Variants in STPG2 observed in about 807,000 individuals in gnomAD.
The protein encoded by STPG2 is sperm tail PG-rich repeat containing 2.
A neutral mutation model predicts 54.2 loss-of-function variants in STPG2; 56 were observed. The observed-to-expected ratio is 1.03, with a 90% CI of 0.83 to 1.29. STPG2 has a LOEUF of 1.29. Ranked by LOEUF, STPG2 falls within the 50% of genes most tolerant of loss-of-function variation. The pLI is 0.00. For synonymous variants in STPG2, 200 were observed against 181.8 expected (o/e 1.10, Z -0.81); for missense variants, 596 against 544.9 (o/e 1.09, Z -0.93).
downstream of STPG2, among the ~76,000 whole-genome samples, chr4:97,554,023 A>T (rs1268393077): frequency 6.6e-6 from 1 of 152,166 alleles, no homozygotes; most frequent in Non-Finnish European, 1.5e-5. Context: ...TTAATTTCTT[A>T]CCGTTATCTT....
chr4:97,758,197 C>G (rs543670652), intron 9 of STPG2, among the ~76,000 whole-genome samples: 1 of 152,020 alleles, frequency 6.6e-6, no homozygotes, highest in South Asian at 2.1e-4. Flanking sequence ...AATAGAAAGG[C>G]CCTAGAGGGC....
At chr4:97,999,088 G>A (rs1295139181) in intron 5 of STPG2, among the ~76,000 whole-genome samples, 2 of 151,742 alleles carry the variant, frequency 1.3e-5, no homozygotes, top group Non-Finnish European at 2.9e-5. Context: ...GACATTATTG[G>A]GGCAATCATG....
intron 5 of STPG2, among the ~76,000 whole-genome samples, chr4:98,044,226 A>T (rs1737054863): frequency 6.6e-6 from 1 of 152,192 alleles, no homozygotes; most frequent in African/African-American, 2.4e-5. Flanking sequence ...CATCACTATT[A>T]TAGTAATATA....
chr4:97,445,877 ATT>A (rs1729209897), intron 4 of STPG2, among the ~76,000 whole-genome samples: 1 of 152,234 alleles, frequency 6.6e-6, no homozygotes, highest in Non-Finnish European at 1.5e-5. Flanking sequence ...TACAAAGCCA[ATT>A]AATGGTGTGG....
At chr4:98,108,538 G>A (rs1298447738) in intron 4 of STPG2, among the ~76,000 whole-genome samples, 2 of 152,124 alleles carry the variant, frequency 1.3e-5, no homozygotes, top group East Asian at 3.9e-4. Context: ...CATGTAGTCA[G>A]AGGACTGAAG....
intron 10 of STPG2, among the ~76,000 whole-genome samples, chr4:97,685,853 G>C (rs1723172129): frequency 6.6e-6 from 1 of 152,154 alleles, no homozygotes; most frequent in Non-Finnish European, 1.5e-5. Context: ...TAAAAATAAT[G>C]TCCATTTTTG....
At chr4:97,792,284 C>A (rs942441501) in intron 9 of STPG2, among the ~76,000 whole-genome samples, 1 of 152,094 alleles carries the variant, frequency 6.6e-6, no homozygotes, top group Non-Finnish European at 1.5e-5. Flanking sequence ...CAAAAATCAG[C>A]ACCTCTTAAC....
At chr4:97,636,697 GAGAA>G (rs1366438603) in intron 10 of STPG2, among the ~76,000 whole-genome samples, 1 of 152,156 alleles carries the variant, frequency 6.6e-6, no homozygotes, top group South Asian at 2.1e-4. Flanking sequence ...ACTACCATCA[GAGAA>G]AACTACAAAC....
intron 8 of STPG2, among the ~76,000 whole-genome samples, chr4:97,865,055 C>A (rs372231986): frequency 6.6e-6 from 1 of 152,102 alleles, no homozygotes; most frequent in South Asian, 2.1e-4. Context: ...GTCTAAAACA[C>A]CAAAAGCAAT....
chr4:98,040,701 C>A (rs1578805894), intron 5 of STPG2, among the ~76,000 whole-genome samples: 2 of 151,864 alleles, frequency 1.3e-5, no homozygotes, highest in South Asian at 2.1e-4. Flanking sequence ...CAGTACCATG[C>A]TATTTTGGTT....
intron 4 of STPG2, among the ~76,000 whole-genome samples, chr4:97,541,591 G>A (rs1301541618): frequency 2.0e-5 from 3 of 152,120 alleles, no homozygotes; most frequent in Admixed American, 6.6e-5. Flanking sequence ...AGCTACGAAT[G>A]ATTTTCTTCA....
At chr4:97,457,119 T>C (rs1729549351) in intron 4 of STPG2, among the ~76,000 whole-genome samples, 1 of 152,130 alleles carries the variant, frequency 6.6e-6, no homozygotes, top group African/African-American at 2.4e-5. Flanking sequence ...GTGGTGAGGA[T>C]GTAAAGCAAA....
In STPG2 at chr4:97,800,858, T is replaced by C. The variant is rs981753644; in HGVS notation, c.1204+39915A>G. On this transcript the variant is annotated intron_variant, in intron 9 of 10. Transcript: ENST00000295268. ...GTTTGAGCTTCCTGGCCACTTTGTT[T>C]ACCTACTCAAGCCTCAGCAATGGCA... Among the ~76,000 whole-genome samples, 4 of 152,238 alleles carry C rather than the reference T, an allele frequency of 2.6e-5. 1 individual carries two copies. In the East Asian group the frequency reaches 5.8e-4, roughly 22 times the overall value.
intron 5 of STPG2, among the ~76,000 whole-genome samples, chr4:98,091,616 T>C (rs1213816226): frequency 6.6e-6 from 1 of 152,112 alleles, no homozygotes; most frequent in Non-Finnish European, 1.5e-5. Flanking sequence ...CATTGAGGAA[T>C]GTGAACTCCT....
intron 10 of STPG2, among the ~76,000 whole-genome samples, chr4:97,605,813 A>G (rs1466853864): frequency 1.4e-5 from 2 of 147,592 alleles, no homozygotes; most frequent in Non-Finnish European, 3.0e-5. Flanking sequence ...ATTAATACAA[A>G]AAAAAGAAAA....
At chr4:97,886,061 A>C (rs1730555097) in intron 8 of STPG2, among the ~76,000 whole-genome samples, 1 of 152,208 alleles carries the variant, frequency 6.6e-6, no homozygotes, top group Admixed American at 6.5e-5. Context: ...GTATAAAATA[A>C]ATAATCAAAG....
At chr4:97,442,618 G>T (rs999872091) in intron 4 of STPG2, among the ~76,000 whole-genome samples, 1 of 152,044 alleles carries the variant, frequency 6.6e-6, no homozygotes, top group African/African-American at 2.4e-5. Flanking sequence ...TTAGACAGGG[G>T]GCTAGTCTGG....
intron 9 of STPG2, among the ~76,000 whole-genome samples, chr4:97,739,667 G>T (rs1725152619): frequency 6.6e-6 from 1 of 152,166 alleles, no homozygotes; most frequent in Non-Finnish European, 1.5e-5. Context: ...AAACCAGGAA[G>T]AAGTTGAATC....
intron 5 of STPG2, among the ~76,000 whole-genome samples, chr4:98,023,642 C>G (rs1736309685): frequency 6.6e-6 from 1 of 152,204 alleles, no homozygotes; most frequent in Admixed American, 6.5e-5. Context: ...GTGGAGCCTA[C>G]AGAGGCAGGC....
Sources: gnomAD v4.1 joint callset for allele counts (sites outside exome capture counted in the v4.1 genomes callset) on GRCh38, gnomAD v4.1.1 for gene constraint, MANE v1.5 for transcripts, NCBI Gene and HGNC (gene_info 2026-07-23, HGNC 2026-07-21) for gene names.